ITPRID1: variants seen among roughly 807,000 people sequenced by gnomAD.
ITPRID1 encodes the protein protein ITPRID1.
Under a neutral mutation model 95.4 loss-of-function variants are expected in ITPRID1, and 96 were observed. The observed-to-expected ratio is 1.01, with a 90% CI of 0.85 to 1.19. ITPRID1 has a LOEUF of 1.19. ITPRID1 is among the 50% of genes most tolerant of loss of function. The pLI, the probability that ITPRID1 is intolerant of heterozygous loss-of-function variation, is 0.00. For synonymous variants in ITPRID1, 510 were observed against 453.6 expected, an observed-to-expected ratio of 1.12 and a Z score of -1.58; for missense variants, 1,339 against 1,252.9, an observed-to-expected ratio of 1.07 and a Z score of -1.04.
chr7:31,627,985 G>T (rs1204112106), intron 10 of ITPRID1, among the ~76,000 whole-genome samples: 1 of 152,102 alleles, frequency 6.6e-6, no homozygotes, highest in Non-Finnish European at 1.5e-5. Context: ...GGGATTCAAG[G>T]AACCAACAAG....
rs369866067 is a variant in ITPRID1, at chr7:31,572,145, A to C, written c.352A>C (p.Thr118Pro). 6.2e-7 allele frequency: 1 copy of C among 1,611,876 alleles called. No homozygotes were observed. Among genetic ancestry groups the C allele is most frequent in the Admixed American group, 1.7e-5 (1 of 59,940 alleles). ...AGAAACTCCCATCCTATCCAGAGGG[A>C]CCAGTTTCAACTCTTGCTATTCTAC... is the stretch of plus-strand genomic sequence containing the variant. ...FSETPILSRG[T>P]SFNSCYSTAS... The change falls in exon 7 of 15, where the codon ACC becomes CCC. Residue 118 changes from threonine (T) to proline (P), a missense_variant. By Grantham distance (38) the Thr-to-Pro change is conservative. Coordinates refer to ENST00000615280, the MANE Select transcript of ITPRID1 (RefSeq NM_001257967.3).
In ITPRID1 at chr7:31,554,083, T is replaced by C. The variant is rs534630836; in HGVS notation, c.164-392T>C. Among the ~76,000 whole-genome samples, 17 of 152,268 alleles carry C rather than the reference T, an allele frequency of 1.1e-4. 1 individual carries two copies. The highest frequency in any genetic ancestry group is 3.8e-4 in the African/African-American group (16 of 41,564). The stretch of plus-strand genomic sequence containing the variant: ...GGCTGGCTGCCTTAGGTAAATGTGA[T>C]TCAATAAGGAGAGGCTTTGTGGTGA... On this transcript the variant is annotated intron_variant, in intron 3 of 14. Coordinates refer to ENST00000615280, the MANE Select transcript of ITPRID1 (RefSeq NM_001257967.3).
At chr7:31,582,329 G>A (rs894133571) in intron 9 of ITPRID1, among the ~76,000 whole-genome samples, 3 of 152,146 alleles carry the variant, frequency 2.0e-5, no homozygotes, top group Admixed American at 2.0e-4. Flanking sequence ...ATTTGACTAT[G>A]TGACAATATC....
chr7:31,568,600 C>T (rs1784878838), intron 5 of ITPRID1, among the ~76,000 whole-genome samples: 1 of 152,284 alleles, frequency 6.6e-6, no homozygotes, highest in South Asian at 2.1e-4. Flanking sequence ...TTCTTCTGCA[C>T]GTGTCAGCCA....
At chr7:31,533,877 A>G (rs1272191818) in intron 1 of ITPRID1, among the ~76,000 whole-genome samples, 1 of 152,144 alleles carries the variant, frequency 6.6e-6, no homozygotes, top group East Asian at 1.9e-4. Flanking sequence ...TAGATGGTCT[A>G]GGTCAGGGGT....
intron 5 of ITPRID1, among the ~76,000 whole-genome samples, chr7:31,562,943 G>T (rs1395775595): frequency 6.6e-6 from 1 of 152,104 alleles, no homozygotes; most frequent in Non-Finnish European, 1.5e-5. Context: ...TGCATTTTGG[G>T]TTCTACCCAT....
At position 31,590,177 on chromosome 7, in the gene ITPRID1, T is replaced by C. The variant is rs1583541195; in HGVS notation, c.1228+6986T>C. Among the ~76,000 whole-genome samples the C allele has an allele frequency of 4.6e-5, 7 of 152,250 alleles. No individual in the cohort carries two copies. The South Asian group carries it at 1.5e-3, about 32-fold the overall frequency. On this transcript the variant is annotated intron_variant, in intron 10 of 14. Coordinates refer to ENST00000615280, the MANE Select transcript of ITPRID1 (RefSeq NM_001257967.3). ...TTGAACTCCTAGTGTCAAGAGATCCTCCTGCCTCTGCCTACCAAGTATCTG... is the reference window on the plus strand; with the variant it reads ...TTGAACTCCTAGTGTCAAGAGATCCCCCTGCCTCTGCCTACCAAGTATCTG...
At chr7:31,639,523 T>G (rs555627870) in intron 10 of ITPRID1, among the ~76,000 whole-genome samples, 1 of 75,220 alleles carries the variant, frequency 1.3e-5, no homozygotes, top group Non-Finnish European at 2.3e-5. Context: ...GTTTTTCTTT[T>G]GTTTGTTTGT....
At chr7:31,638,862 C>T (rs1789736771) in intron 10 of ITPRID1, among the ~76,000 whole-genome samples, 1 of 152,194 alleles carries the variant, frequency 6.6e-6, no homozygotes, top group South Asian at 2.1e-4. Flanking sequence ...CTACAACCTC[C>T]ACCTCCCAGG....
chr7:31,635,025 T>C (rs1789350957), intron 10 of ITPRID1, among the ~76,000 whole-genome samples: 2 of 152,206 alleles, frequency 1.3e-5, no homozygotes, highest in African/African-American at 2.4e-5. Context: ...CCAGATGCCA[T>C]ATTGCCTTCC....
chr7:31,625,869 TAA>T (rs1422212651), intron 10 of ITPRID1, among the ~76,000 whole-genome samples: 1 of 152,138 alleles, frequency 6.6e-6, no homozygotes, highest in African/African-American at 2.4e-5. Context: ...ATGCTTAAAA[TAA>T]AGTGATCTCA....
chr7:31,637,179 T>C lies in ITPRID1; in HGVS notation c.1229-4997T>C, dbSNP rs560240631. Among the ~76,000 whole-genome samples the C allele has an allele frequency of 2.3e-4, 35 of 152,112 alleles. 1 individual carries two copies. The South Asian group carries it at 6.2e-3, about 27-fold the overall frequency. ...GGTTCCAAGTCTTTGCTATTGTGAATAGTGCCGCAATAAACATACGTGTGC... is the reference window on the plus strand; with the variant it reads ...GGTTCCAAGTCTTTGCTATTGTGAACAGTGCCGCAATAAACATACGTGTGC... On this transcript the variant is annotated intron_variant, in intron 10 of 14. Coordinates refer to ENST00000615280, the MANE Select transcript of ITPRID1 (RefSeq NM_001257967.3).
At chr7:31,564,285 G>T (rs1784721428) in intron 5 of ITPRID1, among the ~76,000 whole-genome samples, 1 of 152,060 alleles carries the variant, frequency 6.6e-6, no homozygotes, top group Non-Finnish European at 1.5e-5. Context: ...ATCTAAAAGG[G>T]AGTTAAAACT....
intron 10 of ITPRID1, among the ~76,000 whole-genome samples, chr7:31,623,141 C>T (rs1322757042): frequency 2.6e-5 from 4 of 152,044 alleles, no homozygotes; most frequent in Admixed American, 2.6e-4. Flanking sequence ...GAGTCCAGGA[C>T]CAGATGGATT....
rs1187967588 is a variant in ITPRID1 at position 31,578,121 on chromosome 7, C to A, written c.857C>A (p.Pro286His). 6.2e-7 allele frequency: 1 copy of A among 1,613,488 alleles called. No individual in the cohort carries two copies. Among genetic ancestry groups the A allele is most frequent in the African/African-American group, 1.3e-5 (1 of 74,906 alleles). Residue 286 changes from proline to histidine, a missense_variant, in exon 9 of 15, where the codon CCC becomes CAC. Transcript: ENST00000615280. The stretch of plus-strand genomic sequence containing the variant: ...AAGGTGAAGGATGAAGTTTTTGTTC[C>A]CTTTACAAAACCATGGGATTGTGGA... ...SFKVKDEVFV[P>H]FTKPWDCGAE...
At chr7:31,579,969 A>G (rs1392516762) in intron 9 of ITPRID1, among the ~76,000 whole-genome samples, 3 of 152,184 alleles carry the variant, frequency 2.0e-5, no homozygotes, top group African/African-American at 7.2e-5. Context: ...TGCAAAGATT[A>G]TTTAATTACC....
intron 6 of ITPRID1, among the ~76,000 whole-genome samples, chr7:31,571,639 C>G (rs976816966): frequency 1.3e-5 from 2 of 152,168 alleles, no homozygotes; most frequent in Non-Finnish European, 2.9e-5. Flanking sequence ...TGGATGGCTA[C>G]AGGAGCCCTG....
In ITPRID1 at chr7:31,654,015, G is replaced by A. The variant is rs1319980955; in HGVS notation, c.*1186G>A. The stretch of plus-strand genomic sequence containing the variant: ...GAGACAGCCATAAATAAGACAGATG[G>A]ACTTTCTACTCAGAAAGAGTTGGAT... On this transcript the variant is annotated 3_prime_UTR_variant, in exon 15 of 15. Coordinates refer to ENST00000615280, the MANE Select transcript of ITPRID1 (RefSeq NM_001257967.3). Among the ~76,000 whole-genome samples the A allele has an allele frequency of 1.4e-5, 2 of 142,998 alleles. No homozygotes were observed. The highest frequency in any genetic ancestry group is 3.0e-5 in the Non-Finnish European group (2 of 66,454). The allele number at this position is 142,998 out of a possible 152,430, so 93.8% of individuals were successfully genotyped here.
At chr7:31,533,139 G>C (rs777581627) in intron 1 of ITPRID1, among the ~76,000 whole-genome samples, 11 of 151,942 alleles carry the variant, frequency 7.2e-5, no homozygotes, top group Non-Finnish European at 1.3e-4. Context: ...CTGTACCCAG[G>C]GTTTCCCCGT....
Sources: gnomAD v4.1 joint callset for allele counts (sites outside exome capture counted in the v4.1 genomes callset) on GRCh38, gnomAD v4.1.1 for gene constraint, MANE v1.5 for transcripts, NCBI Gene and HGNC (gene_info 2026-07-23, HGNC 2026-07-21) for gene names.